The following OSBP2 variants were observed in gnomAD, a reference collection of about 807,000 sequenced individuals.
The protein encoded by OSBP2 is oxysterol-binding protein 2.
OSBP2 carries 66 observed loss-of-function variants against 96.0 expected under a neutral mutation model. The ratio of observed to expected loss-of-function variants is 0.69; its 90% CI spans 0.56 to 0.84. OSBP2 has a LOEUF of 0.84. Among genes scored for constraint, OSBP2 ranks in the 40% least tolerant of loss-of-function variants. OSBP2 has a pLI of 0.00. For missense variants in OSBP2, 1,038 were observed against 1,222.7 expected (o/e 0.85, Z 2.25); for synonymous variants, 525 against 520.9 (o/e 1.01, Z -0.11).
chr22:30,806,307 C>T lies in OSBP2; in HGVS notation c.854-64122C>T, dbSNP rs547314402. 2.0e-5 allele frequency among the ~76,000 whole-genome samples: 3 copies of T among 152,318 alleles called. No individual in the cohort carries two copies. In the East Asian group the frequency reaches 5.8e-4, roughly 29 times the overall value. On this transcript the variant is annotated intron_variant, in intron 2 of 13. Transcript: ENST00000332585. ...CAGGCTCACAATCCAGTGCTCTCTCCTCACATTGGGGTGAGAGCGCCCCAT... is the reference window on the plus strand; with the variant it reads ...CAGGCTCACAATCCAGTGCTCTCTCTTCACATTGGGGTGAGAGCGCCCCAT...
chr22:30,881,609 C>T lies in OSBP2; in HGVS notation c.1108-5817C>T. On this transcript the variant is annotated intron_variant, in intron 3 of 13. Coordinates refer to ENST00000332585, the MANE Select transcript of OSBP2 (RefSeq NM_030758.4). This position sits in a 1 kb window ranked among gnomAD's most constrained non-coding sequence, Gnocchi z 4.5. ...GCCCTCCCTGGGCCCCTGGGAACCT[C>T]CCCCTGCCAGTCCCTCTGCCGGGCC... is the stretch of plus-strand genomic sequence containing the variant. 1.6e-6 allele frequency: 2 copies of T among 1,278,964 alleles called. No homozygotes were observed. The highest frequency in any genetic ancestry group is 2.3e-5 in the Admixed American group (1 of 42,832). The allele number at this position is 1,278,964 out of a possible 1,614,324, so 79.2% of individuals were successfully genotyped here.
intron 1 of OSBP2, among the ~76,000 whole-genome samples, chr22:30,711,334 C>CAT (rs1005040852): frequency 1.8e-4 from 28 of 151,446 alleles, no homozygotes; most frequent in East Asian, 7.7e-4. Context: ...TATGTACATA[C>CAT]ATATATATAT....
chr22:30,704,252 A>G (rs1309784089), intron 1 of OSBP2, among the ~76,000 whole-genome samples: 1 of 152,192 alleles, frequency 6.6e-6, no homozygotes, highest in African/African-American at 2.4e-5. Context: ...ATTACAATGA[A>G]AGGATGCAAA....
intron 12 of OSBP2, among the ~76,000 whole-genome samples, chr22:30,900,096 T>C (rs1199620665): frequency 1.3e-5 from 2 of 152,102 alleles, no homozygotes; most frequent in Non-Finnish European, 2.9e-5. Flanking sequence ...CCATCTCTAC[T>C]AAAAATACGA....
chr22:30,848,893 A>G (rs1160931858), intron 2 of OSBP2, among the ~76,000 whole-genome samples: 1 of 152,180 alleles, frequency 6.6e-6, no homozygotes, highest in Non-Finnish European at 1.5e-5. Flanking sequence ...ATGTATTTTC[A>G]TGGACATATG....
chr22:30,755,697 G>A (rs954717322), intron 2 of OSBP2, among the ~76,000 whole-genome samples: 4 of 152,134 alleles, frequency 2.6e-5, no homozygotes, highest in African/African-American at 9.7e-5. Flanking sequence ...GAGACCTCTG[G>A]GGAGAAGAGT....
chr22:30,730,336 C>T (rs914136420), intron 1 of OSBP2, among the ~76,000 whole-genome samples: 8 of 152,072 alleles, frequency 5.3e-5, no homozygotes, highest in Non-Finnish European at 8.8e-5. Context: ...TGGTCAATTA[C>T]GAGGATGTAG....
At chr22:30,700,014 G>A (rs1372768148) in intron 1 of OSBP2, among the ~76,000 whole-genome samples, 2 of 149,872 alleles carry the variant, frequency 1.3e-5, no homozygotes, top group Middle Eastern at 3.2e-3. Context: ...CCAGGCTGGA[G>A]TGCAGTGGCA....
At chr22:30,889,714 G>A in intron 7 of OSBP2, 78 bp downstream of exon 7, 1 of 1,353,910 alleles carries the variant, frequency 7.4e-7, no homozygotes, top group Non-Finnish European at 1.1e-6. Flanking sequence ...GTAATGGCCT[G>A]TGTGAAGTAC....
intron 12 of OSBP2, among the ~76,000 whole-genome samples, chr22:30,898,155 A>G (rs1182600955): frequency 6.6e-6 from 1 of 152,114 alleles, no homozygotes; most frequent in Non-Finnish European, 1.5e-5. Flanking sequence ...AGCCTGCGCA[A>G]CATAGTGAGA....
At chr22:30,822,561 G>A (rs1016411697) in intron 2 of OSBP2, 1 of 1,495,032 alleles carries the variant, frequency 6.7e-7, no homozygotes, top group Non-Finnish European at 8.9e-7. Context: ...CTGTGCACGC[G>A]TCCGTGCAAG....
At chr22:30,725,913 G>A (rs2089642792) in intron 1 of OSBP2, among the ~76,000 whole-genome samples, 1 of 151,832 alleles carries the variant, frequency 6.6e-6, no homozygotes, top group Admixed American at 6.6e-5. Flanking sequence ...CCAAGTAGCT[G>A]GGATTACAGG....
intron 2 of OSBP2, among the ~76,000 whole-genome samples, chr22:30,785,150 T>G (rs999123502): frequency 5.9e-5 from 9 of 152,222 alleles, no homozygotes; most frequent in Admixed American, 5.9e-4. Flanking sequence ...GCTTAAGTTG[T>G]ATTAAAAATA....
chr22:30,871,020 G>A lies in OSBP2; in HGVS notation c.1107+338G>A, dbSNP rs2039447123. Among the ~76,000 whole-genome samples the A allele has an allele frequency of 1.3e-5, 2 of 152,170 alleles. No homozygotes were observed. The highest frequency in any genetic ancestry group is 4.8e-5 in the African/African-American group (2 of 41,422). On this transcript the variant is annotated intron_variant, in intron 3 of 13. Transcript: ENST00000332585. The surrounding 1 kb of genome is among the most constrained non-coding windows in gnomAD (Gnocchi z 4.7). ...CCAGCAGGTCAGTTCTGCCCACACA[G>A]TAGGGACACAGCTGCCACACTGGCC...
chr22:30,855,188 A>C (rs1435504277), intron 2 of OSBP2, among the ~76,000 whole-genome samples: 1 of 152,182 alleles, frequency 6.6e-6, no homozygotes, highest in African/African-American at 2.4e-5. Flanking sequence ...ACTTGTCTGA[A>C]AATATCTTTT....
intron 1 of OSBP2, among the ~76,000 whole-genome samples, chr22:30,697,926 G>A (rs1487367575): frequency 6.6e-6 from 1 of 152,208 alleles, no homozygotes; most frequent in African/African-American, 2.4e-5. Flanking sequence ...CAGCTTGCAG[G>A]CTGTGTGTCC....
intron 2 of OSBP2, among the ~76,000 whole-genome samples, chr22:30,801,295 C>T (rs1243111470): frequency 1.3e-5 from 2 of 152,256 alleles, no homozygotes; most frequent in Middle Eastern, 3.4e-3. Flanking sequence ...AAAATAAGCT[C>T]TTGGAAGTAA....
chr22:30,755,962 A>G (rs62235896), intron 2 of OSBP2, among the ~76,000 whole-genome samples: 68 of 152,064 alleles, frequency 4.5e-4, no homozygotes, highest in Non-Finnish European at 8.1e-4. Flanking sequence ...ATGCTCTTGC[A>G]TCTTCAGCTG....
chr22:30,856,566 T>C (rs940406579), intron 2 of OSBP2, among the ~76,000 whole-genome samples: 4 of 151,740 alleles, frequency 2.6e-5, no homozygotes, highest in Admixed American at 6.6e-5. Context: ...TTTGTATTTT[T>C]AGTAGAGACG....
Sources: gnomAD v4.1 joint callset for allele counts (sites outside exome capture counted in the v4.1 genomes callset) on GRCh38, gnomAD v4.1.1 for gene constraint, Gnocchi (gnomAD v3.1) non-coding constraint, MANE v1.5 for transcripts, NCBI Gene and HGNC (gene_info 2026-07-23, HGNC 2026-07-21) for gene names.